ATP6V1C1: variants seen among roughly 807,000 people sequenced by gnomAD.
ATP6V1C1 encodes the protein V-type proton ATPase subunit C 1.
Under a neutral mutation model 53.9 loss-of-function variants are expected in ATP6V1C1, and 45 were observed. That is an observed-to-expected ratio of 0.83 (90% CI 0.66 to 1.07). The LOEUF (loss-of-function observed/expected upper bound fraction) is 1.07, where lower values mean the gene tolerates loss of function less well. ATP6V1C1 is among the 50% of genes least tolerant of loss of function. ATP6V1C1 has a pLI of 0.00. For synonymous variants in ATP6V1C1, 153 were observed against 155.2 expected (o/e 0.99, Z 0.11); for missense variants, 315 against 440.3 (o/e 0.72, Z 2.55).
At chr8:103,027,770 GT>G (rs1254206125) in intron 1 of ATP6V1C1, among the ~76,000 whole-genome samples, 1 of 150,992 alleles carries the variant, frequency 6.6e-6, no homozygotes, top group Non-Finnish European at 1.5e-5. Context: ...ATTGACTAGT[GT>G]TTCCCTTGTG....
rs183213792 is a variant in ATP6V1C1, at chr8:103,048,851, G to A, written c.201-19G>A. 23 of 1,598,472 alleles carry A rather than the reference G, an allele frequency of 1.4e-5. No homozygotes were observed. The highest frequency in any genetic ancestry group is 2.0e-5 in the Non-Finnish European group (23 of 1,168,146). On this transcript the variant is annotated intron_variant, in intron 3 of 12. Transcript: ENST00000518738. ...GATCTTTTTCCTGAGAATGGTTGTT[G>A]ATATTTTTTCTTCCCCAGAGTGGTT...
intron 11 of ATP6V1C1, 143 bp downstream of exon 11, chr8:103,064,954 T>C (rs1817463151): frequency 1.5e-6 from 1 of 663,526 alleles, no homozygotes; most frequent in Admixed American, 3.4e-5. Flanking sequence ...ATTATCAGTA[T>C]CATCATACAG....
chr8:103,065,549 A>G (rs1389863165), intron 11 of ATP6V1C1, among the ~76,000 whole-genome samples: 1 of 151,082 alleles, frequency 6.6e-6, no homozygotes, highest in Non-Finnish European at 1.5e-5. Context: ...AGCCTGGGCA[A>G]CAGAGCGAGA....
chr8:103,065,682 T>C (rs932706950), intron 11 of ATP6V1C1, among the ~76,000 whole-genome samples: 1 of 152,214 alleles, frequency 6.6e-6, no homozygotes, highest in Non-Finnish European at 1.5e-5. Context: ...CCTCATGCTA[T>C]TACCATAAAA....
At chr8:103,027,490 AC>A (rs1025302232) in intron 1 of ATP6V1C1, among the ~76,000 whole-genome samples, 2 of 150,760 alleles carry the variant, frequency 1.3e-5, no homozygotes, top group African/African-American at 2.4e-5. Context: ...CTTATAACCA[AC>A]CCCCCCTCAC....
At chr8:103,057,372 G>A (rs1817305893) in intron 8 of ATP6V1C1, among the ~76,000 whole-genome samples, 1 of 152,210 alleles carries the variant, frequency 6.6e-6, no homozygotes, top group Non-Finnish European at 1.5e-5. Flanking sequence ...CTAATCAGAG[G>A]CTAGGGTGAA....
intron 1 of ATP6V1C1, among the ~76,000 whole-genome samples, chr8:103,022,619 A>G (rs1412972941): frequency 6.6e-6 from 1 of 152,192 alleles, no homozygotes; most frequent in African/African-American, 2.4e-5. Flanking sequence ...TTAAAAAGGC[A>G]TTGCTAAGAA....
At chr8:103,059,617 GTCAGAAAATGGTCAAATA>G (rs1586325782) in intron 8 of ATP6V1C1, among the ~76,000 whole-genome samples, 1 of 150,238 alleles carries the variant, frequency 6.7e-6, no homozygotes, top group East Asian at 2.0e-4. Context: ...TGTTTTGTAG[GTCAGAAAATGGTCAAATA>G]TCTACAATTT....
rs192449240 is a variant in ATP6V1C1, at chr8:103,043,088, T to C, written c.200+681T>C. Among the ~76,000 whole-genome samples the C allele has an allele frequency of 2.0e-5, 3 of 152,300 alleles. No homozygotes were observed. The East Asian group carries it at 5.8e-4, about 29-fold the overall frequency. Reference sequence around the variant, plus strand: ...GTAGAAGTTTGTGTTCTTAAATGTTTTCATTTTTCTTGGGTATGTACCTAA... The same window carrying C: ...GTAGAAGTTTGTGTTCTTAAATGTTCTCATTTTTCTTGGGTATGTACCTAA... On this transcript the variant is annotated intron_variant, in intron 3 of 12. Coordinates refer to ENST00000518738, the MANE Select transcript of ATP6V1C1 (RefSeq NM_001695.5).
intron 1 of ATP6V1C1, 96 bp downstream of exon 1, chr8:103,021,321 G>T (rs1258840834): frequency 1.3e-5 from 2 of 152,966 alleles, no homozygotes; most frequent in Non-Finnish European, 2.9e-5. Flanking sequence ...TGGGTGCGGG[G>T]GCAGAGACCG....
rs1451954116 is a variant in ATP6V1C1, at chr8:103,039,461, ACT to A, written c.-39-1334_-39-1333del. Among the ~76,000 whole-genome samples the A allele has an allele frequency of 4.6e-5, 7 of 152,134 alleles. No homozygotes were observed. In the South Asian group the frequency reaches 6.2e-4, roughly 14 times the overall value. The stretch of plus-strand genomic sequence containing the variant: ...TTTTAAAGGAAATTTACATTTATAA[ACT>A]CTTTTCACATTAATTATCTGATTTT... On this transcript the variant is annotated intron_variant, in intron 1 of 12. Coordinates refer to ENST00000518738, the MANE Select transcript of ATP6V1C1 (RefSeq NM_001695.5).
At chr8:103,038,155 G>A (rs527505131) in intron 1 of ATP6V1C1, among the ~76,000 whole-genome samples, 1 of 152,264 alleles carries the variant, frequency 6.6e-6, no homozygotes, top group African/African-American at 2.4e-5. Context: ...ACTCATTGAT[G>A]CAGCCGCATT....
chr8:103,051,855 T>C (rs1490792690), intron 5 of ATP6V1C1, among the ~76,000 whole-genome samples: 1 of 152,130 alleles, frequency 6.6e-6, no homozygotes, highest in African/African-American at 2.4e-5. Context: ...GCATTTGACC[T>C]GGCTGGGGCA....
intron 8 of ATP6V1C1, among the ~76,000 whole-genome samples, chr8:103,061,750 C>G (rs929580858): frequency 6.6e-6 from 1 of 152,210 alleles, no homozygotes; most frequent in Non-Finnish European, 1.5e-5. Context: ...ATTAGAAGAA[C>G]TCCAGTATGT....
intron 3 of ATP6V1C1, among the ~76,000 whole-genome samples, chr8:103,048,253 C>A (rs1386745248): frequency 6.6e-6 from 1 of 152,210 alleles, no homozygotes; most frequent in East Asian, 1.9e-4. Context: ...GAGTTTTTGC[C>A]ATTTTTTTCC....
chr8:103,070,130 C>A lies in ATP6V1C1; in HGVS notation c.*1383C>A, dbSNP rs1051951809. 1 of 152,206 alleles carries A rather than the reference C, an allele frequency of 6.6e-6. No individual in the cohort carries two copies. The highest frequency in any genetic ancestry group is 2.4e-5 in the African/African-American group (1 of 41,440). The allele number at this position is 152,206 out of a possible 1,614,324, so 9.4% of individuals were successfully genotyped here. On this transcript the variant is annotated 3_prime_UTR_variant, in exon 13 of 13. Transcript: ENST00000518738. The stretch of plus-strand genomic sequence containing the variant: ...TGCTTAAGAGTATATCTAAGAGAAT[C>A]CTTTGTGTCAGTGAAGCTGGAGCTA...
chr8:103,023,833 A>T (rs1816642564), intron 1 of ATP6V1C1, among the ~76,000 whole-genome samples: 1 of 151,226 alleles, frequency 6.6e-6, no homozygotes. Context: ...CACAGTACTA[A>T]CCACAGTCAC....
At chr8:103,037,909 C>T (rs1048552630) in intron 1 of ATP6V1C1, among the ~76,000 whole-genome samples, 6 of 152,050 alleles carry the variant, frequency 3.9e-5, no homozygotes, top group Non-Finnish European at 5.9e-5. Context: ...ACACTATATA[C>T]TATTATGTGT....
chr8:103,043,392 G>T lies in ATP6V1C1; in HGVS notation c.200+985G>T, dbSNP rs554595327. On this transcript the variant is annotated intron_variant, in intron 3 of 12. Coordinates refer to ENST00000518738, the MANE Select transcript of ATP6V1C1 (RefSeq NM_001695.5). ...GGCTGGAGTGCAGTGGCATGATCTC[G>T]TCTCACTGCAACCTCCACCTCCTGG... Among the ~76,000 whole-genome samples, 7 of 152,010 alleles carry T rather than the reference G, an allele frequency of 4.6e-5. No homozygotes were observed. In the East Asian group the frequency reaches 1.4e-3, roughly 29 times the overall value.
Sources: gnomAD v4.1 joint callset for allele counts (sites outside exome capture counted in the v4.1 genomes callset) on GRCh38, gnomAD v4.1.1 for gene constraint, MANE v1.5 for transcripts, NCBI Gene and HGNC (gene_info 2026-07-23, HGNC 2026-07-21) for gene names.